Variants in VGLL4 observed in about 807,000 individuals in gnomAD.
VGLL4 encodes transcription cofactor vestigial-like protein 4.
Under a neutral mutation model 21.0 loss-of-function variants are expected in VGLL4, and 7 were observed. The observed-to-expected ratio is 0.33, with a 90% CI of 0.19 to 0.63. VGLL4 has a LOEUF of 0.63. Ranked by LOEUF, VGLL4 falls within the 20% of genes least tolerant of loss-of-function variation. The probability of loss-of-function intolerance (pLI) is 0.78; values close to 1 mark genes in which losing one functional copy is unlikely to be tolerated. For synonymous variants in VGLL4, 222 were observed against 173.2 expected (o/e 1.28, Z -2.21); for missense variants, 394 against 425.7 (o/e 0.93, Z 0.66).
At position 11,558,830 on chromosome 3, in the gene VGLL4, G is replaced by A. The variant is rs373856433; in HGVS notation, c.620-3C>T. On this transcript the variant is annotated splice_region_variant and splice_polypyrimidine_tract_variant and intron_variant, in intron 4 of 4. Coordinates refer to ENST00000430365, the MANE Select transcript of VGLL4 (RefSeq NM_001128219.3). Reference sequence around the variant, plus strand: ...CACGGGGTCACAGGTGGTGGCAGCTGCAGGCAAGCAGGAAGGCAGGCAGTC... The same window carrying A: ...CACGGGGTCACAGGTGGTGGCAGCTACAGGCAAGCAGGAAGGCAGGCAGTC... 2.1e-5 allele frequency: 33 copies of A among 1,609,164 alleles called. No individual in the cohort carries two copies. In the African/African-American group the frequency reaches 2.7e-4, roughly 13 times the overall value.
chr3:11,604,488 T>G lies in VGLL4; in HGVS notation c.83-2466A>C. 18 of 957,130 alleles carry G rather than the reference T, an allele frequency of 1.9e-5. 3 individuals carry two copies. Among genetic ancestry groups the G allele is most frequent in the Non-Finnish European group, 2.2e-5 (18 of 810,068 alleles). 59.3% of individuals were successfully genotyped at this position (957,130 alleles called of 1,614,324 possible). A position where few individuals can be genotyped will look rare whatever the true frequency, so the allele number is the denominator to read the frequency against. On this transcript the variant is annotated intron_variant, in intron 1 of 4. Transcript: ENST00000430365. ...AGGTCCGTTCAGTTATGTGCCTTTA[T>G]GCATCTTTGGGGCCCCTCCCTAGAT... is the stretch of plus-strand genomic sequence containing the variant.
chr3:11,614,663 A>G (rs1218317186), intron 1 of VGLL4, among the ~76,000 whole-genome samples: 5 of 152,244 alleles, frequency 3.3e-5, no homozygotes, highest in Non-Finnish European at 5.9e-5. Context: ...ATTGCTAAAT[A>G]TGCTGGTTTC....
At chr3:11,708,814 C>T (rs1326257652) in intron 1 of VGLL4, among the ~76,000 whole-genome samples, 1 of 151,914 alleles carries the variant, frequency 6.6e-6, no homozygotes, top group Non-Finnish European at 1.5e-5. Context: ...GTAATCCCAG[C>T]ACTTTGGGAG....
At chr3:11,631,059 C>T (rs1377430828) in intron 1 of VGLL4, among the ~76,000 whole-genome samples, 2 of 152,152 alleles carry the variant, frequency 1.3e-5, no homozygotes, top group African/African-American at 4.8e-5. Context: ...TGCCAAAGAA[C>T]AAACTACTCC....
At chr3:11,586,835 G>A (rs1428964096) in intron 2 of VGLL4, among the ~76,000 whole-genome samples, 1 of 152,138 alleles carries the variant, frequency 6.6e-6, no homozygotes, top group Admixed American at 6.6e-5. Flanking sequence ...ATACCAGGAG[G>A]AGCCTGCGTG....
intron 2 of VGLL4, among the ~76,000 whole-genome samples, chr3:11,676,602 G>A (rs186051287): frequency 5.1e-4 from 54 of 105,806 alleles, no homozygotes; most frequent in Admixed American, 1.1e-3. Flanking sequence ...ACTATTTTGT[G>A]GCATGATAAA....
rs186166274 is a variant in VGLL4, at chr3:11,709,428, C to T, written c.-13-6381G>A. Among the ~76,000 whole-genome samples, 308 of 139,436 alleles carry T rather than the reference C, an allele frequency of 2.2e-3. 2 individuals are homozygous for T. Among genetic ancestry groups the T allele is most frequent in the African/African-American group, 8.4e-3 (287 of 34,210 alleles). The allele number at this position is 139,436 out of a possible 152,430, so 91.5% of individuals were successfully genotyped here. On this transcript the variant is annotated intron_variant, in intron 1 of 5. Transcript: ENST00000273038. ...CTCCAGCCCAGGGAACAGTGCAAGA[C>T]TCCGTCTAAAAAAAAAAAAAAAAAA...
chr3:11,599,892 T>A (rs2074749424), intron 2 of VGLL4, among the ~76,000 whole-genome samples: 1 of 152,054 alleles, frequency 6.6e-6, no homozygotes, highest in Non-Finnish European at 1.5e-5. Flanking sequence ...GAGTACTTAC[T>A]ATCTGCCAGG....
intron 1 of VGLL4, among the ~76,000 whole-genome samples, chr3:11,709,039 C>A (rs2076800464): frequency 6.6e-6 from 1 of 151,232 alleles, no homozygotes; most frequent in Non-Finnish European, 1.5e-5. Flanking sequence ...CCAGCCTGGG[C>A]AACAGAGTAA....
rs10592668 is a variant in VGLL4, at chr3:11,590,663, A to AGTGT, written c.272+11166_272+11169dup. On this transcript the variant is annotated intron_variant, in intron 2 of 4. Coordinates refer to ENST00000430365, the MANE Select transcript of VGLL4 (RefSeq NM_001128219.3). The stretch of plus-strand genomic sequence containing the variant: ...TCTGTGAAGAAATTTCAAAATGAAG[A>AGTGT]GTGTGTGTGTGTGTGTGTGTGTGTG... Among the ~76,000 whole-genome samples, 1,148 of 147,302 alleles carry AGTGT rather than the reference A, an allele frequency of 7.8e-3. 8 individuals are homozygous for AGTGT. Among genetic ancestry groups the AGTGT allele is most frequent in the South Asian group, 0.015 (69 of 4,484 alleles).
intron 2 of VGLL4, among the ~76,000 whole-genome samples, chr3:11,665,271 G>A (rs2076103478): frequency 6.6e-6 from 1 of 151,040 alleles, no homozygotes; most frequent in South Asian, 2.1e-4. Flanking sequence ...CTGCCACCAC[G>A]CCTGGCTAAT....
In VGLL4 at chr3:11,558,416, C is replaced by T; in HGVS notation, c.*140G>A. On this transcript the variant is annotated 3_prime_UTR_variant, in exon 5 of 5. Transcript: ENST00000430365. Reference sequence around the variant, plus strand: ...AAGTACAAAAACAGAACACAAATCCCAACAACATGGTTTTTGCAAATAAAC... The same window carrying T: ...AAGTACAAAAACAGAACACAAATCCTAACAACATGGTTTTTGCAAATAAAC... The T allele has an allele frequency of 7.4e-7, 1 of 1,352,560 alleles. No individual in the cohort carries two copies. Among genetic ancestry groups the T allele is most frequent in the Non-Finnish European group, 9.8e-7 (1 of 1,021,150 alleles). 83.8% of individuals were successfully genotyped at this position (1,352,560 alleles called of 1,614,324 possible). A position where few individuals can be genotyped will look rare whatever the true frequency, so the allele number is the denominator to read the frequency against.
intron 2 of VGLL4, among the ~76,000 whole-genome samples, chr3:11,583,803 A>G (rs1468373369): frequency 6.6e-6 from 1 of 152,178 alleles, no homozygotes; most frequent in Admixed American, 6.5e-5. Context: ...GGCCTAGTTA[A>G]GTTCCTCTCT....
chr3:11,587,373 T>G (rs918072969), intron 2 of VGLL4, among the ~76,000 whole-genome samples: 3 of 152,226 alleles, frequency 2.0e-5, no homozygotes, highest in African/African-American at 7.2e-5. Flanking sequence ...CTAGGTGACA[T>G]GGAGTGTCTG....
chr3:11,561,824 C>T (rs1358109193), intron 3 of VGLL4, among the ~76,000 whole-genome samples: 1 of 151,980 alleles, frequency 6.6e-6, no homozygotes, highest in African/African-American at 2.4e-5. Flanking sequence ...ACAGAGGCTG[C>T]CCCGGGGGAG....
intron 2 of VGLL4, among the ~76,000 whole-genome samples, chr3:11,657,584 A>T (rs1478030025): frequency 6.6e-6 from 1 of 152,198 alleles, no homozygotes; most frequent in Non-Finnish European, 1.5e-5. Context: ...ACTGAGGCAA[A>T]ACAGCTGCTA....
chr3:11,701,126 C>A (rs1417313591), intron 2 of VGLL4, among the ~76,000 whole-genome samples: 1 of 151,962 alleles, frequency 6.6e-6, no homozygotes, highest in African/African-American at 2.4e-5. Flanking sequence ...GAATGTGATC[C>A]CCAACGTTGG....
rs1300345335 is a variant in VGLL4, at chr3:11,573,231, A to G, written c.273-8212T>C. On this transcript the variant is annotated intron_variant, in intron 2 of 4. Transcript: ENST00000430365. ...AAGAGAGAGAGAGAAAGACAGACAG[A>G]AAGAAAAGAAATAGAGAAAGAAAGA... Among the ~76,000 whole-genome samples, 2 of 135,260 alleles carry G rather than the reference A, an allele frequency of 1.5e-5. 1 individual carries two copies. Among genetic ancestry groups the G allele is most frequent in the East Asian group, 4.0e-4 (2 of 4,948 alleles). The allele number at this position is 135,260 out of a possible 152,430, so 88.7% of individuals were successfully genotyped here. A position where few individuals can be genotyped will look rare whatever the true frequency, so the allele number is the denominator to read the frequency against.
chr3:11,575,242 T>A (rs1057412622), intron 2 of VGLL4, among the ~76,000 whole-genome samples: 4 of 152,212 alleles, frequency 2.6e-5, no homozygotes, highest in African/African-American at 9.6e-5. Flanking sequence ...GCGGCCGCAC[T>A]GAGTGCTGTC....
Sources: gnomAD v4.1 joint callset for allele counts (sites outside exome capture counted in the v4.1 genomes callset) on GRCh38, gnomAD v4.1.1 for gene constraint, MANE v1.5 for transcripts, NCBI Gene and HGNC (gene_info 2026-07-23, HGNC 2026-07-21) for gene names.